The following MED15 variants were observed in gnomAD, a reference collection of about 807,000 sequenced individuals.
MED15 encodes mediator complex subunit 15.
In MED15, 41 loss-of-function variants were observed where a neutral mutation model predicts 118.7. The ratio of observed to expected loss-of-function variants is 0.35; its 90% CI spans 0.27 to 0.45. MED15 has a LOEUF of 0.45. MED15 is among the 20% of genes least tolerant of loss of function. The probability of loss-of-function intolerance (pLI) is 1.00; values close to 1 mark genes in which losing one functional copy is unlikely to be tolerated. For missense variants in MED15, 740 were observed against 1,025.5 expected (o/e 0.72, Z 3.80); for synonymous variants, 436 against 413.9 (o/e 1.05, Z -0.65).
In MED15 at chr22:20,585,718, T is replaced by C; in HGVS notation, c.2132-10T>C. 1 of 1,612,544 alleles carries C rather than the reference T, an allele frequency of 6.2e-7. No individual in the cohort carries two copies. Among genetic ancestry groups the C allele is most frequent in the Non-Finnish European group, 8.5e-7 (1 of 1,179,612 alleles). On this transcript the variant is annotated splice_polypyrimidine_tract_variant and intron_variant, in intron 16 of 17. Coordinates refer to ENST00000263205, the MANE Select transcript of MED15 (RefSeq NM_001003891.3). ...TGTCCAGGTCACAGATAGAGCCTTC[T>C]GTGTTGCAGATGACAAGGACCTCCC... is the stretch of plus-strand genomic sequence containing the variant.
At chr22:20,523,391 G>A (rs1342585383) in intron 1 of MED15, among the ~76,000 whole-genome samples, 2 of 151,868 alleles carry the variant, frequency 1.3e-5, no homozygotes, top group Admixed American at 6.6e-5. Context: ...TTTTTCAAGT[G>A]TTCCCAGAAG....
chr22:20,572,479 C>G (rs2056696170), intron 8 of MED15, among the ~76,000 whole-genome samples: 1 of 152,208 alleles, frequency 6.6e-6, no homozygotes, highest in Non-Finnish European at 1.5e-5. Flanking sequence ...TAAAGGGTAG[C>G]CTGGGACTGA....
At chr22:20,543,315 G>A (rs916970859) in intron 2 of MED15, among the ~76,000 whole-genome samples, 1 of 138,120 alleles carries the variant, frequency 7.2e-6, no homozygotes, top group African/African-American at 2.7e-5. Flanking sequence ...GGGTTCAGGT[G>A]ATTATCCTGC....
Position 20,551,492 on chromosome 22 carries a change from G to A in MED15, c.208+5G>A. On this transcript the variant is annotated splice_donor_5th_base_variant and intron_variant, in intron 3 of 17. Transcript: ENST00000263205. Reference sequence around the variant, plus strand: ...TTATCCATTTTCGAGACATTCGTAAGTAAGATTTTGCATTTCTGGGTTGTT... The same window carrying A: ...TTATCCATTTTCGAGACATTCGTAAATAAGATTTTGCATTTCTGGGTTGTT... 1 of 1,613,832 alleles carries A rather than the reference G, an allele frequency of 6.2e-7. No homozygotes were observed. Among genetic ancestry groups the A allele is most frequent in the Non-Finnish European group, 8.5e-7 (1 of 1,179,676 alleles).
At chr22:20,562,175 C>CA (rs532550350) in intron 5 of MED15, among the ~76,000 whole-genome samples, 8 of 150,912 alleles carry the variant, frequency 5.3e-5, no homozygotes, top group East Asian at 1.9e-4. Context: ...AAGAAACAAA[C>CA]AAAAAAAAGG....
intron 2 of MED15, among the ~76,000 whole-genome samples, chr22:20,545,101 T>C (rs1469787839): frequency 6.6e-6 from 1 of 152,230 alleles, no homozygotes; most frequent in Non-Finnish European, 1.5e-5. Context: ...AGGACTGTTA[T>C]TTAGCCTGCC....
intron 1 of MED15, among the ~76,000 whole-genome samples, chr22:20,516,981 G>A (rs1373636772): frequency 6.6e-6 from 1 of 152,166 alleles, no homozygotes; most frequent in Non-Finnish European, 1.5e-5. Context: ...TGCCCAGGCT[G>A]GAGTGCAGCA....
intron 1 of MED15, among the ~76,000 whole-genome samples, chr22:20,525,325 T>C (rs1365146941): frequency 6.6e-6 from 1 of 151,634 alleles, no homozygotes; most frequent in Non-Finnish European, 1.5e-5. Context: ...TTTTTGTTTT[T>C]TTTTTGACAT....
At chr22:20,575,903 C>T (rs1219975763) in intron 9 of MED15, among the ~76,000 whole-genome samples, 1 of 152,178 alleles carries the variant, frequency 6.6e-6, no homozygotes, top group Non-Finnish European at 1.5e-5. Flanking sequence ...GCACAGACTC[C>T]AGAACGTGGC....
intron 9 of MED15, among the ~76,000 whole-genome samples, chr22:20,579,871 C>T (rs1197714977): frequency 6.6e-6 from 1 of 152,078 alleles, no homozygotes; most frequent in East Asian, 1.9e-4. Context: ...AACTCCTTCC[C>T]TAGGATGTGT....
At chr22:20,537,300 AGGGGT>A in intron 2 of MED15, 96 bp downstream of exon 2, 1 of 1,075,790 alleles carries the variant, frequency 9.3e-7, no homozygotes, top group Non-Finnish European at 1.4e-6. Flanking sequence ...CCTAGGGTGT[AGGGGT>A]GGGGTGGTTG....
Position 20,564,588 on chromosome 22 carries a change from A to G in MED15, c.590A>G (p.Gln197Arg), listed in dbSNP as rs2056366972. The stretch of plus-strand genomic sequence containing the variant: ...TTCCAGGCTCAGCAGAGTGCCATGC[A>G]GCAGCAGTTCCAAGCAGTAGTGCAG... ...QQFQAQQSAM[Q>R]QQFQAVVQQQ... Residue 197 changes from glutamine (Q) to arginine (R), a missense_variant, in exon 6 of 18, where the codon CAG becomes CGG. Gln to Arg is a conservative substitution (Grantham distance 43, BLOSUM62 1). This residue lies in a region of MED15 where 384 missense variants were observed against 506.3 expected (regional missense o/e 0.76). Coordinates refer to ENST00000263205, the MANE Select transcript of MED15 (RefSeq NM_001003891.3). The G allele has an allele frequency of 1.2e-6, 2 of 1,609,900 alleles. No individual in the cohort carries two copies. Among genetic ancestry groups the G allele is most frequent in the Non-Finnish European group, 1.7e-6 (2 of 1,177,246 alleles).
intron 7 of MED15, among the ~76,000 whole-genome samples, chr22:20,568,177 A>G (rs952525253): frequency 1.6e-4 from 24 of 152,178 alleles, no homozygotes; most frequent in African/African-American, 5.8e-4. Context: ...CCTTCAAGGA[A>G]TCAGGCTGAG....
At chr22:20,518,931 C>T (rs1418984223) in intron 1 of MED15, 5 of 446,122 alleles carry the variant, frequency 1.1e-5, no homozygotes, top group Non-Finnish European at 2.2e-5. Context: ...TGGCTCACTG[C>T]AACCTCCACC....
intron 6 of MED15, among the ~76,000 whole-genome samples, chr22:20,566,104 A>C (rs2056429486): frequency 7.5e-6 from 1 of 133,366 alleles, no homozygotes; most frequent in African/African-American, 2.9e-5. Context: ...CAGTGGTGTG[A>C]TCTCGGCTCA....
intron 6 of MED15, 71 bp from the exon 7 acceptor site, chr22:20,566,396 C>A: frequency 6.3e-7 from 1 of 1,583,190 alleles, no homozygotes; most frequent in South Asian, 1.1e-5. Flanking sequence ...GAGGCCCAGA[C>A]TGTCACAGGG....
chr22:20,547,747 C>T (rs1450136421), intron 2 of MED15, among the ~76,000 whole-genome samples: 1 of 152,070 alleles, frequency 6.6e-6, no homozygotes, highest in Admixed American at 6.6e-5. Flanking sequence ...TTGCACCACC[C>T]GGGAGGCGGA....
chr22:20,583,837 C>T, intron 13 of MED15: 1 of 235,686 alleles, frequency 4.2e-6, no homozygotes. Flanking sequence ...TGGTGAGAAG[C>T]AGGTGGAAGG....
At chr22:20,553,786 G>A (rs924994080) in intron 4 of MED15, among the ~76,000 whole-genome samples, 1 of 152,134 alleles carries the variant, frequency 6.6e-6, no homozygotes, top group Non-Finnish European at 1.5e-5. Flanking sequence ...CATGAGAATC[G>A]CTTGAACCTG....
Sources: gnomAD v4.1 joint callset for allele counts (sites outside exome capture counted in the v4.1 genomes callset) on GRCh38, gnomAD v4.1.1 for gene constraint, gnomAD v4.1.1 regional missense constraint, MANE v1.5 for transcripts, NCBI Gene and HGNC (gene_info 2026-07-23, HGNC 2026-07-21) for gene names.